CCNT2: variants seen among roughly 807,000 people sequenced by gnomAD.
The protein encoded by CCNT2 is cyclin-T2.
CCNT2 carries 18 observed loss-of-function variants against 70.0 expected under a neutral mutation model. The observed-to-expected ratio is 0.26, with a 90% confidence interval of 0.18 to 0.38. The LOEUF is 0.38. Ranked by LOEUF, CCNT2 falls within the 10% of genes least tolerant of loss-of-function variation. The pLI, the probability that CCNT2 is intolerant of heterozygous loss-of-function variation, is 1.00. For synonymous variants in CCNT2, 334 were observed against 313.3 expected, an observed-to-expected ratio of 1.07 and a Z score of -0.70; for missense variants, 734 against 890.2, an observed-to-expected ratio of 0.82 and a Z score of 2.23.
intron 3 of CCNT2, among the ~76,000 whole-genome samples, chr2:134,937,575 A>T (rs949736897): frequency 1.3e-5 from 2 of 152,200 alleles, no homozygotes; most frequent in African/African-American, 4.8e-5. Flanking sequence ...AATTTTTCTG[A>T]CATCTTAAGA....
At chr2:134,928,258 G>A (rs1680441443) in intron 2 of CCNT2, among the ~76,000 whole-genome samples, 1 of 127,716 alleles carries the variant, frequency 7.8e-6, no homozygotes, top group South Asian at 2.6e-4. Flanking sequence ...ACCATGCCCG[G>A]CCTCACATTG....
At position 134,959,106 on chromosome 2, in the gene CCNT2, G is replaced by GT. The variant is rs1200838389; in HGVS notation, c.*4459dup. On this transcript the variant is annotated 3_prime_UTR_variant, in exon 9 of 9. Coordinates refer to ENST00000264157, the MANE Select transcript of CCNT2 (RefSeq NM_058241.3). ...TGATGAGTACATTCTTAATTTTAAG[G>GT]TATGTTTTTTTCAAGCAGCTTCATT... 1 of 151,646 alleles carries GT rather than the reference G, an allele frequency of 6.6e-6. No individual in the cohort carries two copies. Among genetic ancestry groups the GT allele is most frequent in the African/African-American group, 2.4e-5 (1 of 41,286 alleles). The allele number at this position is 151,646 out of a possible 1,614,324, so 9.4% of individuals were successfully genotyped here.
At chr2:134,952,077 G>T (rs775465772) in intron 7 of CCNT2, among the ~76,000 whole-genome samples, 1 of 152,076 alleles carries the variant, frequency 6.6e-6, no homozygotes, top group African/African-American at 2.4e-5. Context: ...AAGTAAATTG[G>T]GTCTTGCTTG....
chr2:134,936,081 A>T lies in CCNT2; in HGVS notation c.241-760A>T, dbSNP rs1681125147. On this transcript the variant is annotated intron_variant, in intron 2 of 8. Coordinates refer to ENST00000264157, the MANE Select transcript of CCNT2 (RefSeq NM_058241.3). ...ATGAATCATTGCTTGATTTTTTAAAAGAGTATTAGAAAATGGTGACTCTGT... is the reference window on the plus strand; with the variant it reads ...ATGAATCATTGCTTGATTTTTTAAATGAGTATTAGAAAATGGTGACTCTGT... Among the ~76,000 whole-genome samples the T allele has an allele frequency of 2.0e-5, 3 of 151,800 alleles. No individual in the cohort carries two copies. In the South Asian group the frequency reaches 6.2e-4, roughly 32 times the overall value.
rs1230227551 is a variant in CCNT2 at position 134,925,724 on chromosome 2, T to C, written c.240+5833T>C. Among the ~76,000 whole-genome samples the C allele has an allele frequency of 2.6e-5, 4 of 152,196 alleles. No homozygotes were observed. In the East Asian group the frequency reaches 7.7e-4, roughly 29 times the overall value. ...ACTTTTTGGCTAATATGAATAGTGC[T>C]CTTAAGAACATTTGTGTACAAGTTT... On this transcript the variant is annotated intron_variant, in intron 2 of 8. Coordinates refer to ENST00000264157, the MANE Select transcript of CCNT2 (RefSeq NM_058241.3).
chr2:134,938,793 G>A (rs968071127), intron 3 of CCNT2, among the ~76,000 whole-genome samples: 3 of 152,002 alleles, frequency 2.0e-5, no homozygotes, highest in African/African-American at 7.3e-5. Flanking sequence ...TTGTTTTCTG[G>A]TGTTTGTTTC....
rs750077587 is a variant in CCNT2 at position 134,953,466 on chromosome 2, A to G, written c.1011A>G (p.Gly337=). The G allele has an allele frequency of 1.2e-6, 2 of 1,614,132 alleles. No individual in the cohort carries two copies. The highest frequency in any genetic ancestry group is 1.7e-5 in the Admixed American group (1 of 60,014). The part of the protein sequence containing the change: ...TSDNLSMLAT[G]MPSTSYGLSS... ...ATAATTTGTCAATGCTAGCAACAGG[A>G]ATGCCAAGTACTTCATACGGTTTAT... Residue 337 remains glycine (G), a synonymous_variant, in exon 9 of 9, where the codon GGA becomes GGG. Transcript: ENST00000264157.
chr2:134,948,225 G>A lies in CCNT2; in HGVS notation c.703+326G>A, dbSNP rs753775701. ...TCTCAGCTACTTGGGAGGCTGAGGC[G>A]GGATGATCACTTGAGCACGGGAAGT... On this transcript the variant is annotated intron_variant, in intron 7 of 8. Transcript: ENST00000264157. Among the ~76,000 whole-genome samples, 6 of 152,150 alleles carry A rather than the reference G, an allele frequency of 3.9e-5. No homozygotes were observed. In the South Asian group the frequency reaches 8.3e-4, roughly 21 times the overall value.
chr2:134,953,320 G>C lies in CCNT2; in HGVS notation c.865G>C (p.Val289Leu). ...GSSLVQNSIL[V>L]DSVTGVPTNP... ...ATCTTTGGTCCAGAATTCCATTTTA[G>C]TAGATAGTGTCACTGGTGTGCCTAC... The change falls in exon 9 of 9, where the codon GTA becomes CTA. Residue 289 changes from valine to leucine, a missense_variant. By Grantham distance (32) the Val-to-Leu change is conservative. This residue lies in a region of CCNT2 where 532 missense variants were observed against 556.9 expected (regional missense o/e 0.96). Transcript: ENST00000264157. 6.2e-7 allele frequency: 1 copy of C among 1,612,156 alleles called. No individual in the cohort carries two copies. The highest frequency in any genetic ancestry group is 8.5e-7 in the Non-Finnish European group (1 of 1,178,780).
intron 2 of CCNT2, among the ~76,000 whole-genome samples, chr2:134,930,065 G>A (rs1418637619): frequency 6.6e-6 from 1 of 151,956 alleles, no homozygotes; most frequent in African/African-American, 2.4e-5. Context: ...CTCACACGAA[G>A]TTGTACAACT....
intron 3 of CCNT2, among the ~76,000 whole-genome samples, chr2:134,938,141 A>G (rs1273184043): frequency 1.3e-5 from 2 of 152,176 alleles, no homozygotes; most frequent in Admixed American, 1.3e-4. Flanking sequence ...GATAATTCCT[A>G]CAGTTTATAT....
intron 2 of CCNT2, among the ~76,000 whole-genome samples, chr2:134,931,945 C>A (rs1056113082): frequency 1.3e-5 from 2 of 151,588 alleles, no homozygotes; most frequent in African/African-American, 4.9e-5. Flanking sequence ...GTAGATAGAG[C>A]CTTAACTATG....
intron 2 of CCNT2, among the ~76,000 whole-genome samples, chr2:134,929,609 A>AGAGAGAGAG (rs1559093379): frequency 3.7e-5 from 2 of 54,596 alleles, no homozygotes; most frequent in African/African-American, 2.0e-4. Context: ...CCCTGTCTCA[A>AGAGAGAGAG]AAACAGAGAG....
rs192702604 is a variant in CCNT2, at chr2:134,947,495, T to C, written c.540-241T>C. ...TTCAATTTTAGATGTAAAAACAAAA[T>C]TTTAAATATTAATATATTAGTAATA... On this transcript the variant is annotated intron_variant, in intron 6 of 8. Transcript: ENST00000264157. Among the ~76,000 whole-genome samples the C allele has an allele frequency of 2.6e-5, 4 of 152,262 alleles. No individual in the cohort carries two copies. The East Asian group carries it at 7.7e-4, about 29-fold the overall frequency.
intron 7 of CCNT2, among the ~76,000 whole-genome samples, chr2:134,951,061 A>G (rs1438377839): frequency 6.6e-6 from 1 of 151,556 alleles, no homozygotes; most frequent in African/African-American, 2.4e-5. Context: ...TTTTTTTTCA[A>G]ATGAGGAAGT....
intron 7 of CCNT2, among the ~76,000 whole-genome samples, chr2:134,951,334 A>C (rs1682484313): frequency 6.6e-6 from 1 of 152,106 alleles, no homozygotes; most frequent in African/African-American, 2.4e-5. Context: ...ATATTATATA[A>C]TATTCTGATG....
At chr2:134,933,143 A>G (rs1483687553) in intron 2 of CCNT2, among the ~76,000 whole-genome samples, 1 of 152,224 alleles carries the variant, frequency 6.6e-6, no homozygotes. Flanking sequence ...ATAGTAAGTG[A>G]AAAGCAAACT....
At chr2:134,935,362 C>A (rs141214393) in intron 2 of CCNT2, among the ~76,000 whole-genome samples, 133 of 152,298 alleles carry the variant, frequency 8.7e-4, no homozygotes, top group African/African-American at 3.1e-3. Flanking sequence ...ACTTCATTTA[C>A]ACATCTGCAA....
At chr2:134,928,519 C>T (rs990165113) in intron 2 of CCNT2, among the ~76,000 whole-genome samples, 1 of 151,762 alleles carries the variant, frequency 6.6e-6, no homozygotes. Flanking sequence ...CTCAGGTGAT[C>T]CGCCCGCCTC....
Sources: gnomAD v4.1 joint callset for allele counts (sites outside exome capture counted in the v4.1 genomes callset) on GRCh38, gnomAD v4.1.1 for gene constraint, gnomAD v4.1.1 regional missense constraint, MANE v1.5 for transcripts, NCBI Gene and HGNC (gene_info 2026-07-23, HGNC 2026-07-21) for gene names.